The following LINGO2 variants were observed in gnomAD, a reference collection of about 807,000 sequenced individuals.
The protein encoded by LINGO2 is leucine rich repeat and Ig domain containing 2.
LINGO2 carries 14 observed loss-of-function variants against 30.6 expected under a neutral mutation model. The observed-to-expected ratio is 0.46, with a 90% CI of 0.30 to 0.72. The LOEUF is 0.72. Among genes scored for constraint, LINGO2 ranks in the 30% least tolerant of loss-of-function variants. LINGO2 has a pLI of 0.07. For synonymous variants in LINGO2, 317 were observed against 288.5 expected, an observed-to-expected ratio of 1.10 and a Z score of -1.00; for missense variants, 729 against 751.7, an observed-to-expected ratio of 0.97 and a Z score of 0.35.
chr9:28,893,286 T>C, the LINGO2 span, among the ~76,000 whole-genome samples: 4 of 152,008 alleles, frequency 2.6e-5, no homozygotes, highest in East Asian at 1.9e-4. Context: ...TTTCTCAATA[T>C]ATGATGGTCA....
intron 4 of LINGO2, among the ~76,000 whole-genome samples, chr9:28,243,222 C>T (rs866557258): frequency 9.9e-5 from 15 of 152,036 alleles, no homozygotes; most frequent in South Asian, 4.2e-4. Context: ...CTTTGGGAGG[C>T]GAAGGTGGGC....
intron 5 of LINGO2, among the ~76,000 whole-genome samples, chr9:27,983,938 G>A (rs546615308): frequency 6.3e-4 from 96 of 151,950 alleles, no homozygotes; most frequent in Middle Eastern, 3.4e-3. Context: ...CAAGATGGGC[G>A]TGGTCTTGCA....
At chr9:28,928,135 T>C in the LINGO2 span, among the ~76,000 whole-genome samples, 8 of 152,230 alleles carry the variant, frequency 5.3e-5, no homozygotes, top group African/African-American at 1.9e-4. Context: ...AGCCACAGAA[T>C]TAGTATTTGA....
At chr9:29,043,340 G>C in the LINGO2 span, among the ~76,000 whole-genome samples, 1 of 151,938 alleles carries the variant, frequency 6.6e-6, no homozygotes, top group Non-Finnish European at 1.5e-5. Flanking sequence ...AAGTAACTTA[G>C]AATATCTTCT....
the LINGO2 span, among the ~76,000 whole-genome samples, chr9:28,800,705 T>C: frequency 6.6e-6 from 1 of 152,050 alleles, no homozygotes; most frequent in Non-Finnish European, 1.5e-5. Flanking sequence ...AGCTCATCTC[T>C]TATTGAGCCA....
the LINGO2 span, among the ~76,000 whole-genome samples, chr9:28,769,498 ATATATATATATATATATATATTTTTTT>A: frequency 2.4e-4 from 2 of 8,510 alleles, no homozygotes; most frequent in African/African-American, 1.3e-3. Context: ...ATATATATAT[ATATATATATATATATATATATTTTTTT>A]TTTTTTTTTT....
chr9:28,669,635 A>T (rs371106557), intron 1 of LINGO2, among the ~76,000 whole-genome samples: 5 of 152,190 alleles, frequency 3.3e-5, no homozygotes, highest in African/African-American at 9.6e-5. Flanking sequence ...AGAAACTAAC[A>T]AGACATTCCA....
At chr9:28,875,138 T>A in the LINGO2 span, among the ~76,000 whole-genome samples, 2 of 152,126 alleles carry the variant, frequency 1.3e-5, no homozygotes, top group Non-Finnish European at 2.9e-5. Flanking sequence ...CTGGTTCTCC[T>A]CAATTAACTT....
At chr9:28,720,890 C>T in the LINGO2 span, among the ~76,000 whole-genome samples, 1 of 151,906 alleles carries the variant, frequency 6.6e-6, no homozygotes, top group African/African-American at 2.4e-5. Flanking sequence ...TAGAGGTATT[C>T]AGAGTGACAC....
At chr9:28,783,730 C>T in the LINGO2 span, among the ~76,000 whole-genome samples, 1 of 152,154 alleles carries the variant, frequency 6.6e-6, no homozygotes, top group Non-Finnish European at 1.5e-5. Context: ...ACTAGATGTA[C>T]AAAATCAATG....
intron 2 of LINGO2, among the ~76,000 whole-genome samples, chr9:28,434,312 TA>T (rs1385557000): frequency 7.5e-6 from 1 of 133,024 alleles, no homozygotes; most frequent in African/African-American, 2.8e-5. Flanking sequence ...ACCTGTACCC[TA>T]AAAATTACTA....
intron 5 of LINGO2, among the ~76,000 whole-genome samples, chr9:27,954,087 A>G (rs1819447789): frequency 6.6e-6 from 1 of 152,176 alleles, no homozygotes; most frequent in African/African-American, 2.4e-5. Flanking sequence ...GATACATAAT[A>G]TTTGTACGTA....
chr9:29,177,884 T>C, the LINGO2 span, among the ~76,000 whole-genome samples: 6 of 150,652 alleles, frequency 4.0e-5, no homozygotes, highest in Admixed American at 3.3e-4. Context: ...TCTCTCTTTC[T>C]CACCAAGCTC....
At chr9:29,050,346 A>G in the LINGO2 span, among the ~76,000 whole-genome samples, 1 of 152,332 alleles carries the variant, frequency 6.6e-6, no homozygotes, top group Non-Finnish European at 1.5e-5. Flanking sequence ...TTCACATTGT[A>G]TGCCTTTATC....
intron 3 of LINGO2, among the ~76,000 whole-genome samples, chr9:28,301,035 A>G (rs1317800790): frequency 1.3e-5 from 2 of 152,130 alleles, no homozygotes; most frequent in Non-Finnish European, 2.9e-5. Flanking sequence ...TATGATTTAG[A>G]GAGAGATCTT....
At chr9:28,405,646 T>C (rs1822475147) in intron 2 of LINGO2, among the ~76,000 whole-genome samples, 1 of 152,190 alleles carries the variant, frequency 6.6e-6, no homozygotes, top group Non-Finnish European at 1.5e-5. Context: ...AAAATAGAAT[T>C]ACTTTATTGC....
intron 4 of LINGO2, among the ~76,000 whole-genome samples, chr9:28,288,487 A>G (rs1225138893): frequency 2.0e-5 from 3 of 152,066 alleles, no homozygotes; most frequent in African/African-American, 7.2e-5. Context: ...ATGTCATTAA[A>G]GCTCTCAGTT....
At chr9:28,538,071 T>C (rs1821511981) in intron 1 of LINGO2, among the ~76,000 whole-genome samples, 1 of 152,032 alleles carries the variant, frequency 6.6e-6, no homozygotes, top group African/African-American at 2.4e-5. Flanking sequence ...CAACTTAGAA[T>C]TGTATACCTA....
chr9:28,293,616 C>T (rs10968451), intron 4 of LINGO2, among the ~76,000 whole-genome samples: 10,969 of 151,860 alleles, frequency 0.072, 719 homozygotes, highest in East Asian at 0.38. Flanking sequence ...ATGGTATTGT[C>T]CAATTCTTCT....
Sources: gnomAD v4.1 joint callset for allele counts (sites outside exome capture counted in the v4.1 genomes callset) on GRCh38, gnomAD v4.1.1 for gene constraint, MANE v1.5 for transcripts, NCBI Gene and HGNC (gene_info 2026-07-23, HGNC 2026-07-21) for gene names.